The following LOC102723971 variants were observed in gnomAD, a reference collection of about 807,000 sequenced individuals.
chr9:135,618,805 C>A, the LOC102723971 span: 1 of 397,576 alleles, frequency 2.5e-6, no homozygotes, highest in Non-Finnish European at 4.4e-6. Flanking sequence ...CATGGGGAGG[C>A]AGAAGGCCCA....
the LOC102723971 span, chr9:135,615,609 C>T: frequency 1.5e-5 from 6 of 397,732 alleles, no homozygotes; most frequent in Non-Finnish European, 2.2e-5. Flanking sequence ...CAAGCTGAGG[C>T]CCAAGACCCC....
chr9:135,619,022 T>G, the LOC102723971 span: 1 of 402,580 alleles, frequency 2.5e-6, no homozygotes, highest in Non-Finnish European at 4.4e-6. Context: ...CAGCCTCCCT[T>G]CCACCTCCTT....
the LOC102723971 span, among the ~76,000 whole-genome samples, chr9:135,615,683 C>A: frequency 6.6e-6 from 1 of 152,208 alleles, no homozygotes; most frequent in Non-Finnish European, 1.5e-5. Context: ...ACAGCCCGGC[C>A]CCGGAGGCAA....
chr9:135,618,797 T>C, the LOC102723971 span: 1 of 396,870 alleles, frequency 2.5e-6, no homozygotes. Context: ...ACAGCCAACA[T>C]GGGGAGGCAG....
the LOC102723971 span, among the ~76,000 whole-genome samples, chr9:135,619,165 C>T: frequency 6.6e-6 from 1 of 152,148 alleles, no homozygotes; most frequent in African/African-American, 2.4e-5. Context: ...GGGAAGGCCT[C>T]TTCCCTCTGT....
At chr9:135,615,855 C>T in the LOC102723971 span, among the ~76,000 whole-genome samples, 1 of 152,250 alleles carries the variant, frequency 6.6e-6, no homozygotes, top group Non-Finnish European at 1.5e-5. Flanking sequence ...GGCCCACACC[C>T]CTTCCGGCCC....
At chr9:135,616,475 C>A in the LOC102723971 span, 2 of 396,354 alleles carry the variant, frequency 5.0e-6, no homozygotes, top group Non-Finnish European at 8.9e-6. Flanking sequence ...CAGCTGGTGG[C>A]AGCCACAGTG....
the LOC102723971 span, among the ~76,000 whole-genome samples, chr9:135,617,234 T>C: frequency 0.65 from 98,865 of 152,108 alleles, 32,527 homozygotes; most frequent in East Asian, 0.76. Flanking sequence ...GGTGTCCCCA[T>C]GCAGGACGTG....
At chr9:135,618,499 C>A in the LOC102723971 span, among the ~76,000 whole-genome samples, 1 of 152,080 alleles carries the variant, frequency 6.6e-6, no homozygotes, top group African/African-American at 2.4e-5. Flanking sequence ...TTGCAGCAAG[C>A]ATTGTCATTA....
At chr9:135,617,059 C>G in the LOC102723971 span, 1 of 398,596 alleles carries the variant, frequency 2.5e-6, no homozygotes, top group Non-Finnish European at 4.4e-6. Flanking sequence ...TGCAGTGCCT[C>G]AGACCCCAGA....
the LOC102723971 span, among the ~76,000 whole-genome samples, chr9:135,619,578 A>T: frequency 6.6e-6 from 1 of 152,250 alleles, no homozygotes; most frequent in Admixed American, 6.5e-5. Flanking sequence ...AAGTGAGCCC[A>T]GCTCCAGACC....
the LOC102723971 span, among the ~76,000 whole-genome samples, chr9:135,616,387 T>C: frequency 6.6e-6 from 1 of 152,198 alleles, no homozygotes; most frequent in Non-Finnish European, 1.5e-5. Context: ...CCTGGCTGCA[T>C]GACCCTGGTG....
At chr9:135,615,443 C>G in the LOC102723971 span, 1 of 398,844 alleles carries the variant, frequency 2.5e-6, no homozygotes, top group Middle Eastern at 6.3e-4. Flanking sequence ...GAGGCTCGCT[C>G]TCCACTCCAT....
chr9:135,614,623 G>A, the LOC102723971 span, among the ~76,000 whole-genome samples: 3 of 152,166 alleles, frequency 2.0e-5, no homozygotes, highest in Non-Finnish European at 2.9e-5. Context: ...ACAGCAGGTC[G>A]CAGGAGAAGG....
chr9:135,619,640 A>T, the LOC102723971 span, among the ~76,000 whole-genome samples: 8 of 152,084 alleles, frequency 5.3e-5, no homozygotes. Context: ...AGACAGCTGT[A>T]CCTGTGTGGC....
chr9:135,616,540 A>G, the LOC102723971 span: 1 of 398,602 alleles, frequency 2.5e-6, no homozygotes. Context: ...GGGCAACAGG[A>G]CACAGTTGGA....
the LOC102723971 span, chr9:135,615,365 G>T: frequency 1.0e-5 from 4 of 398,516 alleles, no homozygotes; most frequent in East Asian, 7.1e-5. Context: ...CCTGCAGGTG[G>T]AGGGGCGCTG....
chr9:135,615,759 G>A, the LOC102723971 span, among the ~76,000 whole-genome samples: 1 of 152,272 alleles, frequency 6.6e-6, no homozygotes, highest in South Asian at 2.1e-4. Flanking sequence ...AGGAAGCCCG[G>A]GTCTGGAGTT....
At chr9:135,619,393 G>A in the LOC102723971 span, among the ~76,000 whole-genome samples, 5 of 152,256 alleles carry the variant, frequency 3.3e-5, no homozygotes, top group South Asian at 8.3e-4. Flanking sequence ...CCCCAGGGCT[G>A]CTGGGGTGGC....
Sources: allele counts gnomAD v4.1 joint callset (sites outside exome capture counted in the v4.1 genomes callset), GRCh38; gene constraint gnomAD v4.1.1; transcripts MANE v1.5.